ZNF433: variants seen among roughly 807,000 people sequenced by gnomAD.
ZNF433 encodes the protein zinc finger protein 433.
ZNF433 carries 12 observed loss-of-function variants against 10.6 expected under a neutral mutation model. The ratio of observed to expected loss-of-function variants is 1.13; its 90% CI spans 0.72 to 1.83. The LOEUF (loss-of-function observed/expected upper bound fraction) is 1.83, where lower values mean the gene tolerates loss of function less well. Among genes scored for constraint, ZNF433 ranks in the 40% most tolerant of loss-of-function variants. ZNF433 has a pLI of 0.00. For missense variants in ZNF433, 737 were observed against 798.0 expected, an observed-to-expected ratio of 0.92 and a Z score of 0.92; for synonymous variants, 272 against 271.3, an observed-to-expected ratio of 1.00 and a Z score of -0.02.
At chr19:12,029,414 G>A (rs1021778661) in intron 1 of ZNF433, among the ~76,000 whole-genome samples, 2 of 151,204 alleles carry the variant, frequency 1.3e-5, no homozygotes, top group East Asian at 2.0e-4. Flanking sequence ...CCAGCTACTC[G>A]GGAGGCTGAG....
At chr19:12,035,422 A>G in intron 1 of ZNF433, 115 bp downstream of exon 1, 1 of 1,439,368 alleles carries the variant, frequency 6.9e-7, no homozygotes, top group East Asian at 2.5e-5. Context: ...CCCACGGGAA[A>G]TCGGGTCCCA....
intron 3 of ZNF433, 79 bp downstream of exon 3, chr19:12,017,796 TC>T: frequency 3.3e-6 from 3 of 918,042 alleles, no homozygotes; most frequent in South Asian, 1.5e-5. Context: ...TTCTTTTGTT[TC>T]CTTTTTTTTT....
intron 1 of ZNF433, among the ~76,000 whole-genome samples, chr19:12,020,972 GTTTTTT>G (rs796891710): frequency 2.2e-5 from 3 of 136,768 alleles, no homozygotes; most frequent in Non-Finnish European, 3.1e-5. Flanking sequence ...CTGCTTTACT[GTTTTTT>G]TTTTTTTCTT....
At chr19:12,027,203 T>C (rs1468868505) in intron 1 of ZNF433, 1 of 403,220 alleles carries the variant, frequency 2.5e-6, no homozygotes, top group Non-Finnish European at 4.8e-6. Context: ...ACTTGGAGGC[T>C]CTGTGATTTC....
chr19:12,018,170 A>C lies in ZNF433; in HGVS notation c.126T>G (p.Ser42=). 4 of 1,589,432 alleles carry C rather than the reference A, an allele frequency of 2.5e-6. No individual in the cohort carries two copies. The highest frequency in any genetic ancestry group is 3.4e-6 in the Non-Finnish European group (4 of 1,172,472). Residue 42 remains serine (S), a synonymous_variant, in exon 2 of 4, where the codon TCT becomes TCG. Coordinates refer to ENST00000550507, the MANE Select transcript of ZNF433 (RefSeq NM_001308348.2). The stretch of plus-strand genomic sequence containing the variant: ...AAGTAATGTTGTCACCCTTACCTAT[A>C]GAGGCCAGGTTCCTGAAGGTTTCTT... ...VMQETFRNLA[S]IGKKWKPQNI... is the part of the protein sequence containing the mutation.
chr19:12,020,135 G>C (rs1283063558), intron 1 of ZNF433, among the ~76,000 whole-genome samples: 1 of 152,136 alleles, frequency 6.6e-6, no homozygotes, highest in African/African-American at 2.4e-5. Context: ...AGCCGGGCAT[G>C]ATGGCACATT....
chr19:12,021,462 T>C (rs1974491338), intron 1 of ZNF433, among the ~76,000 whole-genome samples: 2 of 152,232 alleles, frequency 1.3e-5, no homozygotes, highest in African/African-American at 2.4e-5. Flanking sequence ...ATCCATCAAC[T>C]TTCTCTTCCC....
chr19:12,035,622 C>T lies in ZNF433; in HGVS notation c.-83G>A, dbSNP rs1342436352. 1.6e-5 allele frequency: 25 copies of T among 1,526,552 alleles called. No homozygotes were observed. Among genetic ancestry groups the T allele is most frequent in the Non-Finnish European group, 2.2e-5 (25 of 1,131,624 alleles). 94.6% of individuals were successfully genotyped at this position (1,526,552 alleles called of 1,614,324 possible). ...GCTATGGCAGAGGCACCTGAACCCT[C>T]TCGGAGGGGAAAGCCAGGCTCCCAA... On this transcript the variant is annotated 5_prime_UTR_variant, in exon 1 of 4. Transcript: ENST00000550507.
intron 1 of ZNF433, among the ~76,000 whole-genome samples, chr19:12,020,221 G>A (rs1170981902): frequency 6.6e-6 from 1 of 152,052 alleles, no homozygotes. Context: ...GCAGTGAGCC[G>A]AGATTGTGCC....
At chr19:12,017,113 C>T (rs532699487) in intron 3 of ZNF433, among the ~76,000 whole-genome samples, 8 of 152,192 alleles carry the variant, frequency 5.3e-5, no homozygotes, top group South Asian at 2.1e-4. Flanking sequence ...TGAATATGAA[C>T]GGACCACAGG....
chr19:12,017,980 T>C, intron 2 of ZNF433, 44 bp from the exon 3 acceptor site: 1 of 1,439,494 alleles, frequency 6.9e-7, no homozygotes, highest in Non-Finnish European at 9.4e-7. Flanking sequence ...TAGTATAAAA[T>C]TATTAAAAAA....
At chr19:12,030,794 A>C (rs922110259) in intron 1 of ZNF433, among the ~76,000 whole-genome samples, 3 of 152,344 alleles carry the variant, frequency 2.0e-5, no homozygotes, top group African/African-American at 7.2e-5. Context: ...AAATAACTAA[A>C]AGAGCTGGGC....
intron 1 of ZNF433, among the ~76,000 whole-genome samples, chr19:12,033,817 G>C (rs1336911639): frequency 6.6e-6 from 1 of 151,890 alleles, no homozygotes; most frequent in African/African-American, 2.4e-5. Flanking sequence ...ACAAGACTCT[G>C]TCTCCAAAAA....
intron 1 of ZNF433, chr19:12,024,177 A>G (rs1465813623): frequency 6.6e-6 from 1 of 152,216 alleles, no homozygotes; most frequent in East Asian, 1.9e-4. Flanking sequence ...TTAAGAAAAC[A>G]TCAGGTAAAC....
Position 12,016,658 on chromosome 19 carries a change from C to G in ZNF433, c.200G>C (p.Gly67Ala), listed in dbSNP as rs780983721. ...TTCTTTACTTTCAAAGAGTCTCTCT[C>G]CCACAATTCTGTGAACAATAAGAAG... ...ENLRRNLRIV[G>A]ERLFESKEGH... Residue 67 changes from glycine to alanine, a missense_variant, in exon 4 of 4, where the codon GGA becomes GCA. Physicochemically the swap from Gly to Ala is moderately conservative, Grantham distance 60. Coordinates refer to ENST00000550507, the MANE Select transcript of ZNF433 (RefSeq NM_001308348.2). The G allele has an allele frequency of 6.2e-7, 1 of 1,613,154 alleles. No homozygotes were observed. Among genetic ancestry groups the G allele is most frequent in the Non-Finnish European group, 8.5e-7 (1 of 1,179,724 alleles).
chr19:12,028,158 A>G (rs2145465364), intron 1 of ZNF433: 1 of 152,170 alleles, frequency 6.6e-6, no homozygotes, highest in South Asian at 2.1e-4. Flanking sequence ...TCCTCCCACC[A>G]CAGCCTCCCC....
rs1082488 is a variant in ZNF433, at chr19:12,030,079, C to T, written c.3+5458G>A. On this transcript the variant is annotated intron_variant, in intron 1 of 3. Coordinates refer to ENST00000550507, the MANE Select transcript of ZNF433 (RefSeq NM_001308348.2). ...CCTGGGTGACAGAGCAAGACTCCAT[C>T]TCAAAAAAAAAAAAAAAAAAAAAAA... 4,811 of 295,032 alleles carry T rather than the reference C, an allele frequency of 0.016. 336 individuals carry two copies. The African/African-American group carries it at 0.2, about 12-fold the overall frequency. 18.3% of individuals were successfully genotyped at this position (295,032 alleles called of 1,614,324 possible). A position where few individuals can be genotyped will look rare whatever the true frequency, so the allele number is the denominator to read the frequency against.
intron 1 of ZNF433, among the ~76,000 whole-genome samples, chr19:12,034,005 G>A (rs1254019526): frequency 6.6e-6 from 1 of 152,164 alleles, no homozygotes; most frequent in Non-Finnish European, 1.5e-5. Context: ...AAAATGCAGA[G>A]AAGTACCAGT....
At chr19:12,033,619 A>G (rs201620656) in intron 1 of ZNF433, among the ~76,000 whole-genome samples, 7 of 152,092 alleles carry the variant, frequency 4.6e-5, no homozygotes, top group Non-Finnish European at 1.0e-4. Flanking sequence ...TCAGGAGATC[A>G]AGACCATCCT....
Sources: gnomAD v4.1 joint callset for allele counts (sites outside exome capture counted in the v4.1 genomes callset) on GRCh38, gnomAD v4.1.1 for gene constraint, MANE v1.5 for transcripts, NCBI Gene and HGNC (gene_info 2026-07-23, HGNC 2026-07-21) for gene names.